Variants in SORCS3 observed in about 807,000 individuals in gnomAD.
SORCS3 encodes the protein VPS10 domain-containing receptor SorCS3.
SORCS3 carries 57 observed loss-of-function variants against 146.3 expected under a neutral mutation model. The ratio of observed to expected loss-of-function variants is 0.39; its 90% confidence interval spans 0.31 to 0.49. The LOEUF (loss-of-function observed/expected upper bound fraction) is 0.49, where lower values mean the gene tolerates loss of function less well. Among genes scored for constraint, SORCS3 ranks in the 20% least tolerant of loss-of-function variants. SORCS3 has a pLI of 0.92. For synonymous variants in SORCS3, 653 were observed against 618.5 expected (o/e 1.06, Z -0.83); for missense variants, 1,341 against 1,575.5 (o/e 0.85, Z 2.52).
chr10:104,676,304 A>G (rs1034754881), intron 1 of SORCS3, among the ~76,000 whole-genome samples: 3 of 152,186 alleles, frequency 2.0e-5, no homozygotes, highest in Non-Finnish European at 2.9e-5. Context: ...AAAACATTCA[A>G]TATTTCCCTA....
intron 7 of SORCS3, among the ~76,000 whole-genome samples, chr10:105,133,091 C>T (rs1209886651): frequency 2.0e-5 from 3 of 152,154 alleles, no homozygotes; most frequent in Non-Finnish European, 2.9e-5. Flanking sequence ...CATCAGCCTG[C>T]TTTTGTGAGG....
intron 1 of SORCS3, among the ~76,000 whole-genome samples, chr10:104,768,054 A>G (rs980018710): frequency 6.6e-6 from 1 of 152,200 alleles, no homozygotes; most frequent in Admixed American, 6.5e-5. Context: ...ATAAACCTCT[A>G]AATATATTCT....
intron 1 of SORCS3, among the ~76,000 whole-genome samples, chr10:104,681,656 A>G (rs1041978259): frequency 3.9e-5 from 6 of 152,054 alleles, no homozygotes; most frequent in Non-Finnish European, 1.5e-5. Flanking sequence ...AGTCTTTCCC[A>G]TGGCCAGTTG....
chr10:105,196,164 A>C (rs1435885822), intron 14 of SORCS3, among the ~76,000 whole-genome samples: 1 of 152,198 alleles, frequency 6.6e-6, no homozygotes, highest in Admixed American at 6.5e-5. Flanking sequence ...CAACATGGAC[A>C]TTCTTTGAGG....
At chr10:105,233,244 T>C (rs1316747121) in intron 20 of SORCS3, among the ~76,000 whole-genome samples, 1 of 152,140 alleles carries the variant, frequency 6.6e-6, no homozygotes, top group Non-Finnish European at 1.5e-5. Flanking sequence ...AAAATAATTC[T>C]AAATTCTTGT....
chr10:105,148,548 G>A (rs2056148124), intron 9 of SORCS3, among the ~76,000 whole-genome samples: 4 of 152,178 alleles, frequency 2.6e-5, no homozygotes, highest in South Asian at 2.1e-4. Context: ...ACCTGGATAT[G>A]GAGGATTGAG....
chr10:104,644,502 T>A (rs975877778), intron 1 of SORCS3, among the ~76,000 whole-genome samples: 4 of 152,198 alleles, frequency 2.6e-5, no homozygotes, highest in Non-Finnish European at 5.9e-5. Flanking sequence ...AGCTGGTTTT[T>A]CTCCTGTCCC....
chr10:104,683,743 G>T (rs2016007082), intron 1 of SORCS3, among the ~76,000 whole-genome samples: 1 of 152,134 alleles, frequency 6.6e-6, no homozygotes, highest in East Asian at 1.9e-4. Flanking sequence ...CAGCACCAGT[G>T]GCTGGCAAGG....
At chr10:104,994,262 G>T (rs933046291) in intron 4 of SORCS3, among the ~76,000 whole-genome samples, 3 of 152,134 alleles carry the variant, frequency 2.0e-5, no homozygotes, top group African/African-American at 7.2e-5. Flanking sequence ...AAGCATGGAT[G>T]GTTAGAGTAT....
At chr10:105,109,788 A>G (rs995042519) in intron 7 of SORCS3, among the ~76,000 whole-genome samples, 1 of 152,054 alleles carries the variant, frequency 6.6e-6, no homozygotes, top group African/African-American at 2.4e-5. Context: ...TATTGATACA[A>G]TATATTATAT....
At chr10:104,858,912 C>T (rs1589526145) in intron 2 of SORCS3, among the ~76,000 whole-genome samples, 2 of 146,600 alleles carry the variant, frequency 1.4e-5, no homozygotes, top group East Asian at 2.0e-4. Flanking sequence ...TGAGCCACCG[C>T]ACCTGGCCTG....
intron 3 of SORCS3, among the ~76,000 whole-genome samples, chr10:104,973,468 C>A (rs189806495): frequency 0.015 from 2,351 of 152,242 alleles, 53 homozygotes; most frequent in African/African-American, 0.054. Context: ...TCTAGATTTT[C>A]TAGTTTATTT....
chr10:104,860,757 A>C (rs2018392322), intron 2 of SORCS3, among the ~76,000 whole-genome samples: 2 of 152,224 alleles, frequency 1.3e-5, no homozygotes, highest in South Asian at 2.1e-4. Context: ...ACAGCTGAAA[A>C]ACCTGAGGGG....
intron 16 of SORCS3, among the ~76,000 whole-genome samples, chr10:105,210,672 C>A (rs1357346242): frequency 6.6e-6 from 1 of 152,036 alleles, no homozygotes; most frequent in Admixed American, 6.6e-5. Flanking sequence ...GAAATAGGGG[C>A]CTTTGTTTTA....
At chr10:105,136,192 G>T (rs1413522275) in intron 7 of SORCS3, among the ~76,000 whole-genome samples, 3 of 152,158 alleles carry the variant, frequency 2.0e-5, no homozygotes, top group Non-Finnish European at 2.9e-5. Flanking sequence ...ATCTGTAGAG[G>T]CTGGGAAGTC....
intron 4 of SORCS3, among the ~76,000 whole-genome samples, chr10:105,033,236 T>G (rs74155097): frequency 6.6e-5 from 10 of 152,290 alleles, no homozygotes; most frequent in African/African-American, 2.4e-4. Context: ...AAATGAGACA[T>G]TAGTCCTGTG....
chr10:104,861,909 T>G (rs2133561424), intron 2 of SORCS3, among the ~76,000 whole-genome samples: 1 of 152,306 alleles, frequency 6.6e-6, no homozygotes, highest in Admixed American at 6.5e-5. Context: ...TTGGTGCACC[T>G]TGGCTTGTAG....
chr10:104,893,247 G>T (rs2018766590), intron 2 of SORCS3, among the ~76,000 whole-genome samples: 1 of 152,202 alleles, frequency 6.6e-6, no homozygotes, highest in Admixed American at 6.5e-5. Context: ...GTTTATACTT[G>T]TTGGGATTTG....
At chr10:104,965,276 A>T (rs1244876429) in intron 3 of SORCS3, among the ~76,000 whole-genome samples, 1 of 152,194 alleles carries the variant, frequency 6.6e-6, no homozygotes, top group African/African-American at 2.4e-5. Context: ...TTATACTTGC[A>T]TCAACACTGA....
Sources: gnomAD v4.1 joint callset for allele counts (sites outside exome capture counted in the v4.1 genomes callset) on GRCh38, gnomAD v4.1.1 for gene constraint, MANE v1.5 for transcripts, NCBI Gene and HGNC (gene_info 2026-07-23, HGNC 2026-07-21) for gene names.